The following KIAA1210 variants were observed in gnomAD, a reference collection of about 807,000 sequenced individuals.
KIAA1210 encodes acrosomal protein KIAA1210.
KIAA1210 carries 48 observed loss-of-function variants against 78.9 expected under a neutral mutation model. The observed-to-expected ratio is 0.61, with a 90% CI of 0.48 to 0.77. The LOEUF (loss-of-function observed/expected upper bound fraction) is 0.77, where lower values mean the gene tolerates loss of function less well. Ranked by LOEUF, KIAA1210 falls within the 30% of genes least tolerant of loss-of-function variation. The probability of loss-of-function intolerance (pLI) is 0.00; values close to 1 mark genes in which losing one functional copy is unlikely to be tolerated. For synonymous variants in KIAA1210, 406 were observed against 404.5 expected, an observed-to-expected ratio of 1.00 and a Z score of -0.04; for missense variants, 1,108 against 1,100.0, an observed-to-expected ratio of 1.01 and a Z score of -0.10.
chrX:119,139,886 A>G (rs746132677), intron 2 of KIAA1210, among the ~76,000 whole-genome samples: 1 of 111,984 alleles, frequency 8.9e-6, no homozygotes, highest in East Asian at 2.8e-4. Flanking sequence ...ATTTTTGGAC[A>G]GTTCAAACCC....
rs1424377776 is a variant in KIAA1210, at chrX:119,088,540, T to C, written c.2162A>G (p.Asn721Ser). 8.3e-7 allele frequency: 1 copy of C among 1,211,168 alleles called. No individual in the cohort carries two copies. The highest frequency in any genetic ancestry group is 2.2e-5 in the Admixed American group (1 of 46,002). ...AAAATCATTCTGCTCTTCAGGAGTA[T>C]TATTTGAAGCAGAGGAGACTTCTTG... ...NQQEVSSASN[N>S]TPEEQNDFMQ... is the part of the protein sequence containing the mutation. The change falls in exon 9 of 12, where the codon AAT (asparagine) becomes AGT (serine). Residue 721 changes from asparagine to serine, a missense_variant. Asn to Ser is a conservative substitution (Grantham distance 46). Around this residue, in one of 5 missense-constraint regions of KIAA1210, gnomAD observed 672 missense variants for 607.1 expected, o/e 1.11. Coordinates refer to ENST00000691062, the MANE Select transcript of KIAA1210 (RefSeq NM_001394962.1).
intron 5 of KIAA1210, among the ~76,000 whole-genome samples, chrX:119,105,875 G>A (rs1001577961): frequency 5.4e-5 from 6 of 111,589 alleles, no homozygotes; most frequent in African/African-American, 2.0e-4. Flanking sequence ...TCTTGATGTG[G>A]GTCAGAATCC....
chrX:119,097,579 C>A (rs1927594697), intron 6 of KIAA1210, among the ~76,000 whole-genome samples: 1 of 112,213 alleles, frequency 8.9e-6, no homozygotes. Flanking sequence ...ATTGTGTTTA[C>A]CCACTAAGTT....
intron 7 of KIAA1210, among the ~76,000 whole-genome samples, chrX:119,095,736 T>C (rs1248304744): frequency 8.9e-6 from 1 of 112,552 alleles, no homozygotes; most frequent in Admixed American, 9.4e-5. Flanking sequence ...ATTATTTCTC[T>C]ATCTTTTTAA....
intron 10 of KIAA1210, among the ~76,000 whole-genome samples, chrX:119,083,627 C>A (rs1927034893): frequency 9.0e-6 from 1 of 111,647 alleles, no homozygotes; most frequent in Admixed American, 9.5e-5. Flanking sequence ...GCAGTTTATT[C>A]TTTTCAAATT....
chrX:119,094,536 T>A (rs1404563226), intron 7 of KIAA1210, among the ~76,000 whole-genome samples: 2 of 111,937 alleles, frequency 1.8e-5, no homozygotes, highest in Non-Finnish European at 3.8e-5. Context: ...TATTTTTGAG[T>A]AAACGTGGTC....
At chrX:119,136,962 C>T (rs1487229761) in intron 2 of KIAA1210, among the ~76,000 whole-genome samples, 1 of 111,828 alleles carries the variant, frequency 8.9e-6, no homozygotes. Flanking sequence ...CATCAGAATC[C>T]TTCCCCTTGA....
exon 1 of KIAA1210, chrX:119,150,371 G>T (rs1374921903): frequency 8.3e-7 from 1 of 1,210,179 alleles, no homozygotes; most frequent in Non-Finnish European, 1.1e-6. Context: ...GTCAGTCACT[G>T]CAGCTGGGCC....
intron 3 of KIAA1210, among the ~76,000 whole-genome samples, chrX:119,116,216 T>C (rs1928256634): frequency 8.9e-6 from 1 of 112,310 alleles, no homozygotes; most frequent in Admixed American, 9.4e-5. Flanking sequence ...TCCCTGAATA[T>C]CTGCACCCTC....
chrX:119,094,622 G>A (rs1332355088), intron 7 of KIAA1210, among the ~76,000 whole-genome samples: 1 of 112,065 alleles, frequency 8.9e-6, no homozygotes, highest in East Asian at 2.8e-4. Context: ...CTGAATCACT[G>A]TGTCTACATC....
chrX:119,138,211 G>GTTTTTTTTTTTTTT (rs759946882), intron 2 of KIAA1210, among the ~76,000 whole-genome samples: 2 of 47,845 alleles, frequency 4.2e-5, no homozygotes, highest in Non-Finnish European at 6.9e-5. Context: ...TGGTTTGGTT[G>GTTTTTTTTTTTTTT]TTTTTTTTTT....
chrX:119,110,578 G>T (rs1928039821), intron 3 of KIAA1210, among the ~76,000 whole-genome samples: 1 of 111,688 alleles, frequency 9.0e-6, no homozygotes, highest in Admixed American at 9.5e-5. Flanking sequence ...AACTCTTAAT[G>T]AATACGCTAA....
At chrX:119,092,056 T>C (rs1210533925) in intron 8 of KIAA1210, among the ~76,000 whole-genome samples, 1 of 112,038 alleles carries the variant, frequency 8.9e-6, no homozygotes, top group African/African-American at 3.2e-5. Context: ...TCCATCTGTG[T>C]AACCAAAAAC....
intron 3 of KIAA1210, among the ~76,000 whole-genome samples, chrX:119,113,374 A>T (rs1928144468): frequency 8.9e-6 from 1 of 112,370 alleles, no homozygotes; most frequent in Non-Finnish European, 1.9e-5. Flanking sequence ...ACCAAAAAAG[A>T]AATCAAGTTC....
intron 8 of KIAA1210, among the ~76,000 whole-genome samples, chrX:119,091,259 T>A (rs1188196206): frequency 8.9e-6 from 1 of 112,190 alleles, no homozygotes; most frequent in African/African-American, 3.2e-5. Context: ...AAAAAGAGCA[T>A]ACTTATACAC....
intron 1 of KIAA1210, among the ~76,000 whole-genome samples, chrX:119,125,735 A>ATTTTTTTTTTT (rs1163974116): frequency 6.3e-5 from 1 of 15,792 alleles, no homozygotes; most frequent in African/African-American, 2.6e-4. Flanking sequence ...ATATATATAT[A>ATTTTTTTTTTT]TTTTTTTTTT....
chrX:119,102,207 T>G (rs1927754667), intron 6 of KIAA1210, among the ~76,000 whole-genome samples: 1 of 112,753 alleles, frequency 8.9e-6, no homozygotes, highest in African/African-American at 3.2e-5. Flanking sequence ...CTCAATTTTT[T>G]TTGATCTTTA....
At chrX:119,094,033 C>T (rs1377878217) in intron 7 of KIAA1210, 1 of 1,208,549 alleles carries the variant, frequency 8.3e-7, no homozygotes, top group South Asian at 1.8e-5. Context: ...GTCTGAGTGA[C>T]ACACTGCAGG....
Position 119,085,540 on chromosome X carries a change from G to A in KIAA1210, c.4163C>T (p.Pro1388Leu), listed in dbSNP as rs766549264. 49 of 1,207,930 alleles carry A rather than the reference G, an allele frequency of 4.1e-5. No individual in the cohort carries two copies. Among genetic ancestry groups the A allele is most frequent in the Non-Finnish European group, 5.3e-5 (47 of 894,116 alleles). ...KQPACKTPGK[P>L]AGQQSDYAVS... ...AGCATAATCTGACTGTTGACCAGCA[G>A]GCTTTCCTGAGAAAGAAATGAAAGG... Residue 1388 changes from proline to leucine, a missense_variant, in exon 10 of 12, where the codon CCT becomes CTT. Pro to Leu is a moderately conservative substitution (Grantham distance 98). Coordinates refer to ENST00000691062, the MANE Select transcript of KIAA1210 (RefSeq NM_001394962.1).
Sources: gnomAD v4.1 joint callset for allele counts (sites outside exome capture counted in the v4.1 genomes callset) on GRCh38, gnomAD v4.1.1 for gene constraint, gnomAD v4.1.1 regional missense constraint, MANE v1.5 for transcripts, NCBI Gene and HGNC (gene_info 2026-07-23, HGNC 2026-07-21) for gene names.